The following AKR1A1 variants were observed in gnomAD, a reference collection of about 807,000 sequenced individuals.
AKR1A1 encodes the protein aldo-keto reductase family 1 member A1.
AKR1A1 carries 26 observed loss-of-function variants against 39.2 expected under a neutral mutation model. The observed-to-expected ratio is 0.66, with a 90% CI of 0.49 to 0.92. AKR1A1 has a LOEUF of 0.92. AKR1A1 is among the 40% of genes least tolerant of loss of function. The pLI is 0.00. For missense variants in AKR1A1, 378 were observed against 406.5 expected (o/e 0.93, Z 0.60); for synonymous variants, 141 against 155.5 (o/e 0.91, Z 0.69).
chr1:45,559,073 C>T (rs1259867930), intron 1 of AKR1A1, among the ~76,000 whole-genome samples: 1 of 152,116 alleles, frequency 6.6e-6, no homozygotes, highest in African/African-American at 2.4e-5. Context: ...GGAAGAGATT[C>T]CTCCAAGAAG....
Position 45,566,889 on chromosome 1 carries a change from G to C in AKR1A1, c.225G>C (p.Leu75=). 6.2e-7 allele frequency: 1 copy of C among 1,614,156 alleles called. No individual in the cohort carries two copies. The highest frequency in any genetic ancestry group is 8.5e-7 in the Non-Finnish European group (1 of 1,180,018). ...ACTAGGCGGTGCCTCGGGAGGAGCT[G>C]TTTGTGACATCCAAGCTGTGGAACA... is the stretch of plus-strand genomic sequence containing the variant. ...GPGKAVPREE[L]FVTSKLWNTK... is the part of the protein sequence containing the mutation. Residue 75 remains leucine, a synonymous_variant, in exon 4 of 9, where the codon CTG becomes CTC. Coordinates refer to ENST00000351829, the MANE Select transcript of AKR1A1 (RefSeq NM_153326.3).
intron 6 of AKR1A1, 56 bp from the exon 7 acceptor site, chr1:45,568,871 A>T: frequency 1.3e-6 from 2 of 1,590,182 alleles, no homozygotes; most frequent in Non-Finnish European, 1.7e-6. Flanking sequence ...TGGGGAACAA[A>T]ATAGTGCTTA....
At chr1:45,551,712 G>T (rs1433837123) in intron 1 of AKR1A1, among the ~76,000 whole-genome samples, 1 of 152,182 alleles carries the variant, frequency 6.6e-6, no homozygotes, top group Non-Finnish European at 1.5e-5. Context: ...AGGGCTGCAG[G>T]CCTGTTACTT....
intron 2 of AKR1A1, among the ~76,000 whole-genome samples, chr1:45,562,378 G>T (rs567923779): frequency 4.9e-5 from 6 of 123,102 alleles, no homozygotes; most frequent in African/African-American, 9.5e-5. Flanking sequence ...GTCTCGCTCT[G>T]TTGCCCAGGC....
In AKR1A1 at chr1:45,561,802, C is replaced by G. The variant is rs553253087; in HGVS notation, c.8C>G (p.Ala3Gly). ...TCTGTGTTTCAGGGGGCAATGGCGG[C>G]TTCCTGTGTTCTACTGCACACTGGG... MA[A>G]SCVLLHTGQK... Residue 3 changes from alanine to glycine, a missense_variant, in exon 2 of 9, where the codon GCT becomes GGT. Physicochemically the swap from Ala to Gly is moderately conservative, Grantham distance 60. Transcript: ENST00000351829. 1 of 1,614,112 alleles carries G rather than the reference C, an allele frequency of 6.2e-7. No individual in the cohort carries two copies. Among genetic ancestry groups the G allele is most frequent in the Non-Finnish European group, 8.5e-7 (1 of 1,180,004 alleles).
At position 45,565,955 on chromosome 1, in the gene AKR1A1, G is replaced by A. The variant is rs371660354; in HGVS notation, c.85-614G>A. On this transcript the variant is annotated intron_variant, in intron 2 of 8. Coordinates refer to ENST00000351829, the MANE Select transcript of AKR1A1 (RefSeq NM_153326.3). ...TGAAGCCCTCTTTATGGTAGATGCC[G>A]GGAAAATATTGTTAGTTTTTGCTAG... Among the ~76,000 whole-genome samples the A allele has an allele frequency of 6.6e-5, 10 of 152,074 alleles. No homozygotes were observed. In the East Asian group the frequency reaches 7.7e-4, roughly 12 times the overall value.
chr1:45,558,807 G>C (rs1366863078), intron 1 of AKR1A1, among the ~76,000 whole-genome samples: 1 of 152,184 alleles, frequency 6.6e-6, no homozygotes, highest in Non-Finnish European at 1.5e-5. Flanking sequence ...TAGGATTACA[G>C]GTGTGAGCCA....
rs375016076 is a variant in AKR1A1 at position 45,568,910 on chromosome 1, C to T, written c.753-17C>T. 119 of 1,613,722 alleles carry T rather than the reference C, an allele frequency of 7.4e-5. No individual in the cohort carries two copies. Among genetic ancestry groups the T allele is most frequent in the Non-Finnish European group, 9.4e-5 (111 of 1,179,720 alleles). On this transcript the variant is annotated splice_polypyrimidine_tract_variant and intron_variant, in intron 6 of 8. Coordinates refer to ENST00000351829, the MANE Select transcript of AKR1A1 (RefSeq NM_153326.3). ...ATACTGACCCCTTTTCCTCATCTGT[C>T]TAATCCCCCAACTTAGGTGGCAGGT...
rs767717870 is a variant in AKR1A1, at chr1:45,566,590, G to A, written c.106G>A (p.Ala36Thr). 7 of 1,614,238 alleles carry A rather than the reference G, an allele frequency of 4.3e-6. No homozygotes were observed. The highest frequency in any genetic ancestry group is 5.9e-6 in the Non-Finnish European group (7 of 1,180,042). Residue 36 changes from alanine to threonine, a missense_variant, in exon 3 of 9, where the codon GCC becomes ACC. By Grantham distance (58) the Ala-to-Thr change is moderately conservative. Transcript: ENST00000351829. ...PGQVKAAVKYALSVGYRHIDC... is the reference protein window; with the variant it reads ...PGQVKAAVKYTLSVGYRHIDC... ...GCAGGTAAAAGCAGCTGTTAAGTAT[G>A]CCCTTAGCGTAGGCTACCGCCACAT...
At chr1:45,551,978 A>AC (rs1557627053) in intron 1 of AKR1A1, among the ~76,000 whole-genome samples, 4 of 131,334 alleles carry the variant, frequency 3.0e-5, no homozygotes, top group African/African-American at 1.1e-4. Flanking sequence ...TATTGTGTAC[A>AC]TTGTATGTAT....
At chr1:45,558,643 C>G (rs150171256) in intron 1 of AKR1A1, among the ~76,000 whole-genome samples, 1,733 of 152,088 alleles carry the variant, frequency 0.011, 41 homozygotes, top group African/African-American at 0.04. Flanking sequence ...CGTGATCTGC[C>G]CTCCTCGGCC....
At chr1:45,566,347 C>T (rs1260020476) in intron 2 of AKR1A1, among the ~76,000 whole-genome samples, 1 of 151,846 alleles carries the variant, frequency 6.6e-6, no homozygotes, top group Non-Finnish European at 1.5e-5. Context: ...AGGCTGGTCT[C>T]GAACTCCTGA....
intron 1 of AKR1A1, among the ~76,000 whole-genome samples, chr1:45,561,283 T>G (rs1644273877): frequency 6.6e-6 from 1 of 152,082 alleles, no homozygotes; most frequent in Non-Finnish European, 1.5e-5. Context: ...GGTGGTCTGG[T>G]TAGTGTTTGT....
chr1:45,554,292 G>A (rs1463822835), intron 1 of AKR1A1, among the ~76,000 whole-genome samples: 4 of 151,796 alleles, frequency 2.6e-5, no homozygotes, highest in East Asian at 1.9e-4. Flanking sequence ...GCTGGACATC[G>A]TGGCCCATGC....
intron 1 of AKR1A1, among the ~76,000 whole-genome samples, chr1:45,554,508 G>C (rs1314176445): frequency 6.6e-6 from 1 of 152,046 alleles, no homozygotes; most frequent in South Asian, 2.1e-4. Context: ...CAGTCCAGGA[G>C]TTCGAAGCTG....
At chr1:45,552,210 C>T (rs911048805) in intron 1 of AKR1A1, among the ~76,000 whole-genome samples, 3 of 151,768 alleles carry the variant, frequency 2.0e-5, no homozygotes, top group Admixed American at 6.6e-5. Flanking sequence ...ATGGGGGTCT[C>T]TCGGTCTTTT....
chr1:45,566,632 T>A lies in AKR1A1; in HGVS notation c.148T>A (p.Tyr50Asn). The change falls in exon 3 of 9, where the codon TAC becomes AAC. Residue 50 changes from tyrosine (Y) to asparagine (N), a missense_variant. Coordinates refer to ENST00000351829, the MANE Select transcript of AKR1A1 (RefSeq NM_153326.3). ...GYRHIDCAAIYGNEPEIGEAL... is the reference protein window; with the variant it reads ...GYRHIDCAAINGNEPEIGEAL... The stretch of plus-strand genomic sequence containing the variant: ...CCGCCACATTGATTGTGCTGCTATC[T>A]ACGGCAATGAGCCTGAGATTGGGGA... 2 of 1,614,250 alleles carry A rather than the reference T, an allele frequency of 1.2e-6. No homozygotes were observed. The highest frequency in any genetic ancestry group is 2.2e-5 in the South Asian group (2 of 91,082).
At chr1:45,568,400 G>A in intron 5 of AKR1A1, 85 bp from the exon 6 acceptor site, 1 of 1,456,932 alleles carries the variant, frequency 6.9e-7, no homozygotes, top group South Asian at 1.2e-5. Flanking sequence ...TCAGCAATAG[G>A]GGGTGGTCCA....
At chr1:45,563,036 G>A (rs181202375) in intron 2 of AKR1A1, among the ~76,000 whole-genome samples, 35 of 152,084 alleles carry the variant, frequency 2.3e-4, no homozygotes, top group Admixed American at 2.2e-3. Context: ...TGGAGCCCTG[G>A]AAGTCGAGGC....
Sources: gnomAD v4.1 joint callset for allele counts (sites outside exome capture counted in the v4.1 genomes callset) on GRCh38, gnomAD v4.1.1 for gene constraint, MANE v1.5 for transcripts, NCBI Gene and HGNC (gene_info 2026-07-23, HGNC 2026-07-21) for gene names.